DGKB: variants seen among roughly 807,000 people sequenced by gnomAD.
DGKB encodes the protein 90 kDa diacylglycerol kinase.
A neutral mutation model predicts 114.3 loss-of-function variants in DGKB; 67 were observed. The ratio of observed to expected loss-of-function variants is 0.59; its 90% CI spans 0.48 to 0.72. The LOEUF is 0.72. Among genes scored for constraint, DGKB ranks in the 30% least tolerant of loss-of-function variants. The pLI is 0.00. For synonymous variants in DGKB, 398 were observed against 323.1 expected, an observed-to-expected ratio of 1.23 and a Z score of -2.49; for missense variants, 907 against 975.2, an observed-to-expected ratio of 0.93 and a Z score of 0.93.
chr7:14,432,474 A>G (rs796330540), intron 21 of DGKB, among the ~76,000 whole-genome samples: 14 of 152,208 alleles, frequency 9.2e-5, no homozygotes, highest in African/African-American at 3.1e-4. Context: ...AGCTCAAACT[A>G]CTTTTAGCTC....
chr7:14,207,466 C>A (rs370307240), intron 23 of DGKB, among the ~76,000 whole-genome samples: 1 of 151,912 alleles, frequency 6.6e-6, no homozygotes, highest in Non-Finnish European at 1.5e-5. Context: ...GCATCCTGTG[C>A]CCAGCTTCTC....
Position 14,276,589 on chromosome 7 carries a change from A to AAT in DGKB, c.2122+61924_2122+61925dup, listed in dbSNP as rs1205899436. On this transcript the variant is annotated intron_variant, in intron 23 of 25. Transcript: ENST00000402815. ...ATATGCATGTTAGAAAAATTACTGG[A>AAT]ATATATATAGTAAATTATTAGAGCA... 5.3e-5 allele frequency among the ~76,000 whole-genome samples: 8 copies of AAT among 152,196 alleles called. No homozygotes were observed. The East Asian group carries it at 1.5e-3, about 29-fold the overall frequency.
chr7:14,632,644 T>C (rs1280974534), intron 13 of DGKB, among the ~76,000 whole-genome samples: 1 of 151,776 alleles, frequency 6.6e-6, no homozygotes, highest in Non-Finnish European at 1.5e-5. Context: ...GTGAAAACTA[T>C]GAAGTTGCTA....
intron 2 of DGKB, among the ~76,000 whole-genome samples, chr7:14,766,386 AG>A (rs1472825251): frequency 3.3e-5 from 5 of 151,880 alleles, no homozygotes; most frequent in Non-Finnish European, 7.4e-5. Context: ...TAGAGCCAAA[AG>A]AATTTCCTTA....
At chr7:14,485,800 A>T (rs1225812090) in intron 20 of DGKB, among the ~76,000 whole-genome samples, 1 of 151,552 alleles carries the variant, frequency 6.6e-6, no homozygotes, top group African/African-American at 2.4e-5. Context: ...CTGAGGCAGG[A>T]GAATCATTTG....
chr7:14,569,540 C>T (rs967114416), intron 20 of DGKB, among the ~76,000 whole-genome samples: 3 of 152,128 alleles, frequency 2.0e-5, no homozygotes, highest in East Asian at 1.9e-4. Flanking sequence ...GCCATTTCCT[C>T]AGTGAATTTT....
At chr7:14,959,255 AGTTT>A (rs1276102546) in intron 1 of DGKB, among the ~76,000 whole-genome samples, 1 of 151,928 alleles carries the variant, frequency 6.6e-6, no homozygotes, top group Non-Finnish European at 1.5e-5. Flanking sequence ...GGTACTTTAT[AGTTT>A]TTTTTCAGTT....
intron 1 of DGKB, among the ~76,000 whole-genome samples, chr7:14,854,242 A>C (rs1490597563): frequency 2.6e-5 from 4 of 152,338 alleles, no homozygotes; most frequent in Admixed American, 2.6e-4. Context: ...TCTGCCTAAA[A>C]CTGTCACTTT....
chr7:14,768,051 T>G (rs1836733108), intron 2 of DGKB, among the ~76,000 whole-genome samples: 1 of 151,996 alleles, frequency 6.6e-6, no homozygotes, highest in Non-Finnish European at 1.5e-5. Flanking sequence ...TATTAGGCAA[T>G]GTGGAGAAAC....
chr7:14,427,064 T>C (rs1055836961), intron 21 of DGKB, among the ~76,000 whole-genome samples: 3 of 149,898 alleles, frequency 2.0e-5, no homozygotes, highest in African/African-American at 7.4e-5. Flanking sequence ...TCTCAAAAAA[T>C]ACAAGGGGGA....
In DGKB at chr7:14,186,577, A is replaced by G. The variant is rs189530239; in HGVS notation, c.2123-8426T>C. The stretch of plus-strand genomic sequence containing the variant: ...AAAAGATACTTGCACATGCATGTTT[A>G]TAGCAGCACAATTCACAATTGCAAA... On this transcript the variant is annotated intron_variant, in intron 23 of 25. Transcript: ENST00000402815. Among the ~76,000 whole-genome samples, 20 of 152,364 alleles carry G rather than the reference A, an allele frequency of 1.3e-4. No homozygotes were observed. The East Asian group carries it at 3.7e-3, about 28-fold the overall frequency.
At chr7:14,854,773 G>T (rs899313855) in intron 1 of DGKB, among the ~76,000 whole-genome samples, 3 of 152,118 alleles carry the variant, frequency 2.0e-5, no homozygotes, top group Non-Finnish European at 4.4e-5. Context: ...TTGTTAGTAC[G>T]AGCTATGATT....
chr7:14,553,207 A>T (rs1441122097), intron 20 of DGKB, among the ~76,000 whole-genome samples: 1 of 152,244 alleles, frequency 6.6e-6, no homozygotes, highest in East Asian at 1.9e-4. Flanking sequence ...AAGACCCCAT[A>T]ACATATGCAC....
intron 1 of DGKB, among the ~76,000 whole-genome samples, chr7:14,872,809 T>C (rs1483516184): frequency 6.7e-5 from 10 of 149,192 alleles, no homozygotes; most frequent in African/African-American, 2.4e-4. Context: ...ATGTATATAA[T>C]ATAATTTATA....
At chr7:14,434,576 G>C (rs1828964415) in intron 21 of DGKB, among the ~76,000 whole-genome samples, 1 of 152,148 alleles carries the variant, frequency 6.6e-6, no homozygotes, top group Non-Finnish European at 1.5e-5. Context: ...CCCCAGAAAG[G>C]AAAGCAGCTC....
intron 21 of DGKB, among the ~76,000 whole-genome samples, chr7:14,383,820 A>G (rs1267387990): frequency 6.6e-6 from 1 of 152,256 alleles, no homozygotes; most frequent in Non-Finnish European, 1.5e-5. Flanking sequence ...TGAATGCATT[A>G]TCATCCTGGA....
intron 23 of DGKB, among the ~76,000 whole-genome samples, chr7:14,183,483 A>G (rs893899433): frequency 3.9e-5 from 6 of 152,178 alleles, no homozygotes; most frequent in Admixed American, 2.6e-4. Context: ...GGAACATACA[A>G]TCCAATTGTA....
chr7:14,701,380 A>G (rs1352737948), intron 7 of DGKB, among the ~76,000 whole-genome samples: 3 of 152,316 alleles, frequency 2.0e-5, no homozygotes, highest in East Asian at 3.9e-4. Flanking sequence ...TTTCAACTTA[A>G]TCTTATGTTT....
At chr7:14,920,989 G>C (rs148722633) in intron 1 of DGKB, among the ~76,000 whole-genome samples, 76 of 152,224 alleles carry the variant, frequency 5.0e-4, no homozygotes, top group African/African-American at 1.8e-3. Flanking sequence ...CACATGTGCA[G>C]ATTTGTTACA....
Sources: allele counts gnomAD v4.1 joint callset (sites outside exome capture counted in the v4.1 genomes callset), GRCh38; gene constraint gnomAD v4.1.1; transcripts MANE v1.5; gene names NCBI Gene and HGNC (gene_info 2026-07-23, HGNC 2026-07-21).